The following CSMD1 variants were observed in gnomAD, a reference collection of about 807,000 sequenced individuals.
The protein encoded by CSMD1 is CUB and sushi domain-containing protein 1.
A neutral mutation model predicts 417.5 loss-of-function variants in CSMD1; 213 were observed. The ratio of observed to expected loss-of-function variants is 0.51; its 90% confidence interval spans 0.46 to 0.57. The LOEUF (loss-of-function observed/expected upper bound fraction) is 0.57, where lower values mean the gene tolerates loss of function less well. CSMD1 is among the 20% of genes least tolerant of loss of function. The pLI, the probability that CSMD1 is intolerant of heterozygous loss-of-function variation, is 0.00. For missense variants in CSMD1, 6,923 were observed against 4,529.7 expected (o/e 1.53, Z -15.17); for synonymous variants, 2,862 against 1,736.8 (o/e 1.65, Z -16.11).
intron 3 of CSMD1, among the ~76,000 whole-genome samples, chr8:4,064,265 T>A (rs1799128980): frequency 6.6e-6 from 1 of 152,220 alleles, no homozygotes; most frequent in Non-Finnish European, 1.5e-5. Context: ...ACGTCAGTCT[T>A]CCCTTTTTTA....
At position 3,801,254 on chromosome 8, in the gene CSMD1, G is replaced by C. The variant is rs145822902; in HGVS notation, c.819-47212C>G. On this transcript the variant is annotated intron_variant, in intron 5 of 69. Coordinates refer to ENST00000635120, the MANE Select transcript of CSMD1 (RefSeq NM_033225.6). ...CAGAATATATAGAGAGAACTTACAAGTCAACAACAACCACAAAAACCCTAA... is the reference window on the plus strand; with the variant it reads ...CAGAATATATAGAGAGAACTTACAACTCAACAACAACCACAAAAACCCTAA... 2.5e-3 allele frequency among the ~76,000 whole-genome samples: 377 copies of C among 151,396 alleles called. 5 individuals are homozygous for C. Among genetic ancestry groups the C allele is most frequent in the African/African-American group, 8.6e-3 (354 of 41,256 alleles).
chr8:4,850,342 T>C (rs1801391982), intron 1 of CSMD1, among the ~76,000 whole-genome samples: 1 of 151,490 alleles, frequency 6.6e-6, no homozygotes, highest in Admixed American at 6.6e-5. Flanking sequence ...ATGGTCTCTT[T>C]GAAGAATAAA....
intron 11 of CSMD1, among the ~76,000 whole-genome samples, chr8:3,488,912 T>A (rs1026766845): frequency 6.6e-6 from 1 of 152,012 alleles, no homozygotes; most frequent in Non-Finnish European, 1.5e-5. Flanking sequence ...TTTCTAATCA[T>A]GTTTTCTGAT....
At chr8:3,134,231 C>G (rs868518106) in intron 41 of CSMD1, among the ~76,000 whole-genome samples, 1 of 152,122 alleles carries the variant, frequency 6.6e-6, no homozygotes, top group African/African-American at 2.4e-5. Flanking sequence ...AGAAAGAGCT[C>G]TGCCAGTGTT....
chr8:3,727,558 G>A (rs1393238230), intron 6 of CSMD1, among the ~76,000 whole-genome samples: 2 of 152,278 alleles, frequency 1.3e-5, no homozygotes, highest in Middle Eastern at 6.8e-3. Flanking sequence ...CAGTATGGAA[G>A]TTCCTCGAAA....
intron 5 of CSMD1, among the ~76,000 whole-genome samples, chr8:3,814,948 C>CA (rs1443729248): frequency 6.6e-6 from 1 of 151,818 alleles, no homozygotes; most frequent in Admixed American, 6.6e-5. Context: ...TCAGCCATCC[C>CA]AAAAAAATGA....
chr8:3,296,626 G>A (rs540914651), intron 25 of CSMD1, among the ~76,000 whole-genome samples: 2 of 152,278 alleles, frequency 1.3e-5, no homozygotes, highest in South Asian at 4.2e-4. Flanking sequence ...AGTGGCGTAT[G>A]TGCTGAGATG....
At chr8:3,628,836 C>G (rs1353850912) in intron 7 of CSMD1, among the ~76,000 whole-genome samples, 1 of 151,876 alleles carries the variant, frequency 6.6e-6, no homozygotes, top group Admixed American at 6.6e-5. Flanking sequence ...CTCTCTCTTT[C>G]TTAAGTGGTT....
At chr8:4,329,885 C>G (rs572845161) in intron 3 of CSMD1, among the ~76,000 whole-genome samples, 5 of 151,868 alleles carry the variant, frequency 3.3e-5, no homozygotes, top group Non-Finnish European at 7.4e-5. Flanking sequence ...GACACACACA[C>G]TCTTTCTCTC....
intron 1 of CSMD1, among the ~76,000 whole-genome samples, chr8:4,903,311 G>C (rs1585296536): frequency 1.3e-5 from 2 of 152,126 alleles, no homozygotes; most frequent in South Asian, 4.1e-4. Context: ...TTTAGCAATT[G>C]CTTTATGGAT....
At chr8:2,996,043 G>C (rs983267477) in intron 54 of CSMD1, among the ~76,000 whole-genome samples, 7 of 152,146 alleles carry the variant, frequency 4.6e-5, no homozygotes, top group Admixed American at 4.6e-4. Context: ...CACTGGGTGA[G>C]AGTGGGTAGG....
chr8:3,996,282 C>T (rs960158247), intron 5 of CSMD1, among the ~76,000 whole-genome samples: 1 of 152,156 alleles, frequency 6.6e-6, no homozygotes, highest in Non-Finnish European at 1.5e-5. Context: ...TAACTTTAAG[C>T]ATATAACTTC....
chr8:3,525,175 G>A (rs1797703835), intron 10 of CSMD1, among the ~76,000 whole-genome samples: 1 of 152,132 alleles, frequency 6.6e-6, no homozygotes, highest in South Asian at 2.1e-4. Context: ...TCTTGTCTGT[G>A]TTCTGTGTGA....
intron 5 of CSMD1, among the ~76,000 whole-genome samples, chr8:3,853,451 A>G (rs1186377469): frequency 1.3e-5 from 2 of 152,206 alleles, no homozygotes; most frequent in African/African-American, 2.4e-5. Flanking sequence ...AGGAAATGGT[A>G]AACTCTGTGA....
chr8:3,709,491 G>A (rs1350615004), intron 6 of CSMD1, among the ~76,000 whole-genome samples: 1 of 151,902 alleles, frequency 6.6e-6, no homozygotes, highest in Non-Finnish European at 1.5e-5. Flanking sequence ...GGAGATTCTG[G>A]GGGTGTCTGT....
chr8:3,904,907 G>T (rs929203498), intron 5 of CSMD1, among the ~76,000 whole-genome samples: 1 of 152,118 alleles, frequency 6.6e-6, no homozygotes, highest in South Asian at 2.1e-4. Context: ...AAAGGGCTGA[G>T]ATTACAGGTG....
At chr8:4,440,537 C>G (rs938414836) in intron 2 of CSMD1, among the ~76,000 whole-genome samples, 1 of 152,122 alleles carries the variant, frequency 6.6e-6, no homozygotes, top group Non-Finnish European at 1.5e-5. Flanking sequence ...GTACAGATAA[C>G]ATTGCTGACA....
chr8:4,773,062 C>G (rs1796677672), intron 1 of CSMD1, among the ~76,000 whole-genome samples: 3 of 152,080 alleles, frequency 2.0e-5, no homozygotes, highest in Admixed American at 2.0e-4. Context: ...TGTTTGCCAC[C>G]AGAAGTATTT....
At chr8:3,830,513 A>C (rs1298624868) in intron 5 of CSMD1, among the ~76,000 whole-genome samples, 1 of 152,192 alleles carries the variant, frequency 6.6e-6, no homozygotes, top group Non-Finnish European at 1.5e-5. Context: ...AGTTGTGAAG[A>C]CTGTTATGTC....
Sources: allele counts gnomAD v4.1 joint callset (sites outside exome capture counted in the v4.1 genomes callset), GRCh38; gene constraint gnomAD v4.1.1; transcripts MANE v1.5; gene names NCBI Gene and HGNC (gene_info 2026-07-23, HGNC 2026-07-21).